The following BPHL variants were observed in gnomAD, a reference collection of about 807,000 sequenced individuals.
The protein encoded by BPHL is serine hydrolase BPHL.
Under a neutral mutation model 31.2 loss-of-function variants are expected in BPHL, and 27 were observed. The ratio of observed to expected loss-of-function variants is 0.87; its 90% CI spans 0.64 to 1.19. BPHL has a LOEUF of 1.19. BPHL is among the 50% of genes most tolerant of loss of function. The pLI is 0.00. For missense variants in BPHL, 356 were observed against 375.7 expected (o/e 0.95, Z 0.43); for synonymous variants, 150 against 146.8 (o/e 1.02, Z -0.16).
At chr6:3,138,271 GC>G (rs540789276) in intron 5 of BPHL, 98 of 234,820 alleles carry the variant, frequency 4.2e-4, no homozygotes, top group South Asian at 1.8e-3. Flanking sequence ...GCCCACCTTG[GC>G]CCTCCCAATT....
chr6:3,150,359 A>G (rs1762487915), intron 6 of BPHL, among the ~76,000 whole-genome samples: 1 of 152,218 alleles, frequency 6.6e-6, no homozygotes, highest in Non-Finnish European at 1.5e-5. Context: ...TGAGGCCAGC[A>G]TCTCACCTAT....
intron 1 of BPHL, among the ~76,000 whole-genome samples, chr6:3,121,743 T>G (rs1761580844): frequency 6.6e-6 from 1 of 152,192 alleles, no homozygotes; most frequent in Non-Finnish European, 1.5e-5. Context: ...TTAATAATAT[T>G]TCTGTAGATA....
At position 3,140,075 on chromosome 6, in the gene BPHL, G is replaced by A. The variant is rs1762129513; in HGVS notation, c.665-311G>A. On this transcript the variant is annotated intron_variant, in intron 5 of 6. Coordinates refer to ENST00000380379, the MANE Select transcript of BPHL (RefSeq NM_004332.4). The surrounding 1 kb of genome is among the most constrained non-coding windows in gnomAD (Gnocchi z 5.2). ...TACCACTGTTTTCACGGTGGGAACC[G>A]CCACTGTGGAATATAGTGGTGGGGT... is the stretch of plus-strand genomic sequence containing the variant. 9.5e-6 allele frequency: 3 copies of A among 315,420 alleles called. No homozygotes were observed. Among genetic ancestry groups the A allele is most frequent in the Non-Finnish European group, 1.2e-5 (2 of 168,608 alleles). The allele number at this position is 315,420 out of a possible 1,614,324, so 19.5% of individuals were successfully genotyped here.
In BPHL at chr6:3,143,085, C is replaced by T. The variant is rs146957573; in HGVS notation, c.788+2576C>T. Among the ~76,000 whole-genome samples the T allele has an allele frequency of 3.1e-3, 467 of 152,104 alleles. 4 individuals carry two copies. The highest frequency in any genetic ancestry group is 0.011 in the African/African-American group (440 of 41,488). On this transcript the variant is annotated intron_variant, in intron 6 of 6. Transcript: ENST00000380379. ...AATACAAAAATTAGCCAGACATGGT[C>T]GTGGGCACCCGTAATCCCAGCTACT...
At position 3,127,280 on chromosome 6, in the gene BPHL, C is replaced by A. The variant is rs1761743006; in HGVS notation, c.250C>A (p.Leu84Ile). The A allele has an allele frequency of 6.3e-7, 1 of 1,591,150 alleles. No homozygotes were observed. Among genetic ancestry groups the A allele is most frequent in the Admixed American group, 1.7e-5 (1 of 58,496 alleles). Residue 84 changes from leucine to isoleucine, a missense_variant, in exon 3 of 7, where the codon CTC (leucine) becomes ATC (isoleucine). Transcript: ENST00000380379. ...ETDFGPQLKN[L>I]NKKLFTVVAW... ...TGATTTTGGACCTCAGCTCAAGAAC[C>A]TCAATAAGAAGCTCTTCACGGTGGT...
At chr6:3,136,635 T>C (rs952888057) in intron 4 of BPHL, among the ~76,000 whole-genome samples, 4 of 152,278 alleles carry the variant, frequency 2.6e-5, no homozygotes, top group Admixed American at 2.0e-4. Flanking sequence ...ATTAGTGTTA[T>C]ATTTCTTCCA....
chr6:3,121,244 C>G (rs1283208821), intron 1 of BPHL, among the ~76,000 whole-genome samples: 4 of 143,818 alleles, frequency 2.8e-5, no homozygotes, highest in African/African-American at 1.0e-4. Flanking sequence ...CTTCACAAAA[C>G]ATACACAAAA....
intron 4 of BPHL, among the ~76,000 whole-genome samples, chr6:3,134,041 G>A (rs1174290744): frequency 6.6e-6 from 1 of 152,046 alleles, no homozygotes; most frequent in Non-Finnish European, 1.5e-5. Context: ...TATCTTATTG[G>A]GGTCTTAATT....
Position 3,140,345 on chromosome 6 carries a change from G to A in BPHL, c.665-41G>A, listed in dbSNP as rs1448685137. 3.1e-6 allele frequency: 5 copies of A among 1,612,196 alleles called. No individual in the cohort carries two copies. The highest frequency in any genetic ancestry group is 4.2e-6 in the Non-Finnish European group (5 of 1,178,948). The stretch of plus-strand genomic sequence containing the variant: ...TTCGCCTCCTCTGACCGCGTAGAAT[G>A]GTTGCACTAAAGCAGATTCCTCGTG... On this transcript the variant is annotated intron_variant, in intron 5 of 6. Coordinates refer to ENST00000380379, the MANE Select transcript of BPHL (RefSeq NM_004332.4). This position sits in a 1 kb window ranked among gnomAD's most constrained non-coding sequence, Gnocchi z 5.2.
chr6:3,134,507 A>C (rs1349944139), intron 4 of BPHL, among the ~76,000 whole-genome samples: 2 of 139,422 alleles, frequency 1.4e-5, no homozygotes, highest in African/African-American at 2.8e-5. Flanking sequence ...GCACCATCTC[A>C]GCTCACTGCA....
chr6:3,146,361 T>TTCGGGG (rs1762361248), intron 6 of BPHL, among the ~76,000 whole-genome samples: 1 of 132,818 alleles, frequency 7.5e-6, no homozygotes, highest in African/African-American at 3.0e-5. Flanking sequence ...CTGGTGTGGG[T>TTCGGGG]TGGAGTGCTG....
intron 4 of BPHL, among the ~76,000 whole-genome samples, chr6:3,131,667 G>A (rs201098158): frequency 1.7e-4 from 26 of 152,030 alleles, no homozygotes; most frequent in Admixed American, 1.3e-3. Context: ...GCCCCTCCCC[G>A]GACATTCTCC....
rs1330615879 is a variant in BPHL at position 3,140,715 on chromosome 6, G to A, written c.788+206G>A. Among the ~76,000 whole-genome samples, 1 of 152,222 alleles carries A rather than the reference G, an allele frequency of 6.6e-6. No homozygotes were observed. The highest frequency in any genetic ancestry group is 1.5e-5 in the Non-Finnish European group (1 of 68,042). On this transcript the variant is annotated intron_variant, in intron 6 of 6. Coordinates refer to ENST00000380379, the MANE Select transcript of BPHL (RefSeq NM_004332.4). The surrounding 1 kb of genome is among the most constrained non-coding windows in gnomAD (Gnocchi z 5.2). ...TGGGTGACTGATAACCAGAAGGAAA[G>A]GCATGTTCAGATAGACAGCTCTTAC...
intron 5 of BPHL, among the ~76,000 whole-genome samples, chr6:3,137,711 A>C (rs370185430): frequency 6.6e-6 from 1 of 152,318 alleles, no homozygotes; most frequent in Admixed American, 6.5e-5. Context: ...CCAAAGGTTC[A>C]CATTGTTGAG....
intron 4 of BPHL, among the ~76,000 whole-genome samples, chr6:3,132,406 G>T (rs966507794): frequency 6.6e-6 from 1 of 152,046 alleles, no homozygotes; most frequent in Non-Finnish European, 1.5e-5. Context: ...ACAGTGTTGG[G>T]GTCCTCCAGG....
At chr6:3,144,092 CAG>C (rs1350695611) in intron 6 of BPHL, among the ~76,000 whole-genome samples, 1 of 152,150 alleles carries the variant, frequency 6.6e-6, no homozygotes, top group Non-Finnish European at 1.5e-5. Flanking sequence ...GTTTTTGAGA[CAG>C]AGTCTCGCTG....
intron 1 of BPHL, chr6:3,119,428 C>G: frequency 6.2e-7 from 1 of 1,611,188 alleles, no homozygotes; most frequent in Non-Finnish European, 8.5e-7. Flanking sequence ...GGGCCTCACT[C>G]CCAGAGGATC....
chr6:3,146,217 GT>G (rs1252173295), intron 6 of BPHL, among the ~76,000 whole-genome samples: 3 of 60,798 alleles, frequency 4.9e-5, no homozygotes, highest in Non-Finnish European at 7.4e-5. Flanking sequence ...GCTGGTGTGG[GT>G]TGGAGTGCTG....
At chr6:3,120,525 A>T (rs1259667723) in intron 1 of BPHL, among the ~76,000 whole-genome samples, 1 of 152,196 alleles carries the variant, frequency 6.6e-6, no homozygotes, top group African/African-American at 2.4e-5. Flanking sequence ...GTATTAGTTA[A>T]TCCTGAAATG....
Sources: gnomAD v4.1 joint callset for allele counts (sites outside exome capture counted in the v4.1 genomes callset) on GRCh38, gnomAD v4.1.1 for gene constraint, Gnocchi (gnomAD v3.1) non-coding constraint, MANE v1.5 for transcripts, NCBI Gene and HGNC (gene_info 2026-07-23, HGNC 2026-07-21) for gene names.